The following KCNH1 variants were observed in gnomAD, a reference collection of about 807,000 sequenced individuals.
KCNH1 encodes potassium voltage-gated channel subfamily H member 1.
Under a neutral mutation model 69.2 loss-of-function variants are expected in KCNH1, and 27 were observed. The observed-to-expected ratio is 0.39, with a 90% confidence interval of 0.29 to 0.54. KCNH1 has a LOEUF of 0.54. Among genes scored for constraint, KCNH1 ranks in the 20% least tolerant of loss-of-function variants. The probability of loss-of-function intolerance (pLI) is 0.68; values close to 1 mark genes in which losing one functional copy is unlikely to be tolerated. For missense variants in KCNH1, 798 were observed against 1,261.6 expected (o/e 0.63, Z 5.57); for synonymous variants, 456 against 487.7 (o/e 0.93, Z 0.86).
chr1:210,771,573 C>T (rs1683754883), intron 10 of KCNH1, among the ~76,000 whole-genome samples: 1 of 152,190 alleles, frequency 6.6e-6, no homozygotes, highest in Non-Finnish European at 1.5e-5. Flanking sequence ...TTTTACTTTA[C>T]AAAAGGCACA....
intron 6 of KCNH1, among the ~76,000 whole-genome samples, chr1:210,970,768 C>T (rs2102366631): frequency 6.6e-6 from 1 of 152,186 alleles, no homozygotes; most frequent in African/African-American, 2.4e-5. Context: ...GCAACTGCAA[C>T]AAACGCTAAA....
Position 211,019,168 on chromosome 1 carries a change from A to C in KCNH1, c.647T>G (p.Phe216Cys). The C allele has an allele frequency of 6.2e-7, 1 of 1,614,014 alleles. No homozygotes were observed. The highest frequency in any genetic ancestry group is 8.5e-7 in the Non-Finnish European group (1 of 1,179,944). The change falls in exon 6 of 11, where the codon TTT becomes TGT. Residue 216 changes from phenylalanine to cysteine, a missense_variant. Physicochemically the swap from Phe to Cys is radical, Grantham distance 205 (BLOSUM62 -2). Coordinates refer to ENST00000271751, the MANE Select transcript of KCNH1 (RefSeq NM_172362.3). ...PPHIILHYCVFKTTWDWIILI... is the reference protein window; with the variant it reads ...PPHIILHYCVCKTTWDWIILI... ...GATGATCCAATCCCACGTGGTCTTAAAAACACAATAATGTAAGATGATGTG... is the reference window on the plus strand; with the variant it reads ...GATGATCCAATCCCACGTGGTCTTACAAACACAATAATGTAAGATGATGTG...
intron 5 of KCNH1, among the ~76,000 whole-genome samples, chr1:211,031,093 T>C (rs1481292009): frequency 1.3e-5 from 2 of 151,884 alleles, no homozygotes; most frequent in African/African-American, 2.4e-5. Flanking sequence ...GGACAACACC[T>C]TTCAGAGAAT....
In KCNH1 at chr1:210,683,454, G is replaced by T. The variant is rs753238724; in HGVS notation, c.2797C>A (p.Leu933Met). 8 of 1,614,130 alleles carry T rather than the reference G, an allele frequency of 5.0e-6. No homozygotes were observed. In the South Asian group the frequency reaches 8.8e-5, roughly 18 times the overall value. The part of the protein sequence containing the change: ...QATVLEVRHE[L>M]KEDIKALNAK... Reference sequence around the variant, plus strand: ...TTTAAGGCCTTGATGTCCTCCTTCAGCTCGTGCCTCACCTCCAGGACTGTG... The same window carrying T: ...TTTAAGGCCTTGATGTCCTCCTTCATCTCGTGCCTCACCTCCAGGACTGTG... The change falls in exon 11 of 11, where the codon CTG becomes ATG. Residue 933 changes from leucine (L) to methionine (M), a missense_variant. Transcript: ENST00000271751. This position sits in a 1 kb window ranked among gnomAD's most constrained non-coding sequence, Gnocchi z 5.7.
intron 9 of KCNH1, among the ~76,000 whole-genome samples, chr1:210,777,689 C>T (rs1683889275): frequency 6.6e-6 from 1 of 152,212 alleles, no homozygotes; most frequent in Non-Finnish European, 1.5e-5. Flanking sequence ...ATGCACCCTT[C>T]ATATTTGTGT....
chr1:210,813,496 C>A (rs1684751266), intron 7 of KCNH1, among the ~76,000 whole-genome samples: 1 of 152,140 alleles, frequency 6.6e-6, no homozygotes, highest in Admixed American at 6.6e-5. Flanking sequence ...GACCTGAGAA[C>A]CAGACTTAGT....
intron 7 of KCNH1, among the ~76,000 whole-genome samples, chr1:210,911,853 A>G (rs1687238556): frequency 1.3e-5 from 2 of 152,134 alleles, no homozygotes; most frequent in African/African-American, 4.8e-5. Flanking sequence ...ATAGTTCAAA[A>G]TAATAGGGAT....
At chr1:211,045,404 A>G (rs1043324932) in intron 5 of KCNH1, among the ~76,000 whole-genome samples, 1 of 152,080 alleles carries the variant, frequency 6.6e-6, no homozygotes, top group Non-Finnish European at 1.5e-5. Flanking sequence ...CTGTTCCCCA[A>G]TAACCTATGG....
intron 5 of KCNH1, among the ~76,000 whole-genome samples, chr1:211,023,022 A>G (rs764370977): frequency 6.6e-6 from 1 of 151,950 alleles, no homozygotes; most frequent in Admixed American, 6.6e-5. Context: ...GAGGCAGGAG[A>G]AACACTTGAA....
chr1:210,880,493 G>A (rs1160414677), intron 7 of KCNH1, among the ~76,000 whole-genome samples: 1 of 152,204 alleles, frequency 6.6e-6, no homozygotes, highest in Non-Finnish European at 1.5e-5. Context: ...AGAAAAGATA[G>A]TCTTTTCAAC....
chr1:210,701,104 A>AT (rs1402821440), intron 10 of KCNH1, among the ~76,000 whole-genome samples: 36 of 151,494 alleles, frequency 2.4e-4, no homozygotes, highest in African/African-American at 7.8e-4. Context: ...CGCCTGGCTA[A>AT]TTTTTTGTGT....
intron 7 of KCNH1, chr1:210,860,475 A>T (rs1338266201): frequency 1.2e-6 from 1 of 852,638 alleles, no homozygotes; most frequent in Admixed American, 1.7e-5. Context: ...CTGCTTTGTC[A>T]TCACTACCTT....
chr1:210,949,139 C>G (rs1688017233), intron 6 of KCNH1, among the ~76,000 whole-genome samples: 1 of 151,994 alleles, frequency 6.6e-6, no homozygotes, highest in African/African-American at 2.4e-5. Flanking sequence ...GCCTTTTATA[C>G]TTAAAGGGAA....
intron 7 of KCNH1, among the ~76,000 whole-genome samples, chr1:210,892,923 A>C (rs1248165765): frequency 6.6e-6 from 1 of 152,196 alleles, no homozygotes; most frequent in Admixed American, 6.5e-5. Flanking sequence ...GAGTTATACA[A>C]GTAGACAATT....
At chr1:210,914,654 G>A (rs1026238480) in intron 7 of KCNH1, among the ~76,000 whole-genome samples, 2 of 152,138 alleles carry the variant, frequency 1.3e-5, no homozygotes, top group East Asian at 1.9e-4. Flanking sequence ...GCCTGAGGAA[G>A]AGGTTACCTA....
chr1:210,966,745 G>T (rs1282020060), intron 6 of KCNH1, among the ~76,000 whole-genome samples: 3 of 152,328 alleles, frequency 2.0e-5, no homozygotes, highest in Admixed American at 2.0e-4. Flanking sequence ...CAGAGAAATA[G>T]GAACGCTTTT....
Position 210,892,704 on chromosome 1 carries a change from G to T in KCNH1, c.1462+26936C>A, listed in dbSNP as rs904737584. On this transcript the variant is annotated intron_variant, in intron 7 of 10. Transcript: ENST00000271751. ...AAACTAAAGTTTGGACAATAATACA[G>T]TGGAATCTACTATCCCCAAACACCT... Among the ~76,000 whole-genome samples the T allele has an allele frequency of 1.3e-3, 197 of 152,252 alleles. 1 individual carries two copies. The highest frequency in any genetic ancestry group is 4.6e-3 in the African/African-American group (190 of 41,542).
intron 7 of KCNH1, among the ~76,000 whole-genome samples, chr1:210,869,397 C>T (rs1686184676): frequency 6.6e-6 from 1 of 151,838 alleles, no homozygotes; most frequent in African/African-American, 2.4e-5. Flanking sequence ...TTTACAATAG[C>T]TGCTTAAAAG....
chr1:211,087,477 C>A (rs570683643), intron 4 of KCNH1, among the ~76,000 whole-genome samples: 2 of 152,146 alleles, frequency 1.3e-5, no homozygotes, highest in East Asian at 3.9e-4. Flanking sequence ...AAACATATCC[C>A]ACAGCCTACT....
Sources: allele counts gnomAD v4.1 joint callset (sites outside exome capture counted in the v4.1 genomes callset), GRCh38; gene constraint gnomAD v4.1.1; non-coding constraint Gnocchi (gnomAD v3.1); transcripts MANE v1.5; gene names NCBI Gene and HGNC (gene_info 2026-07-23, HGNC 2026-07-21).